FRAS1: variants seen among roughly 807,000 people sequenced by gnomAD.
FRAS1 encodes the protein extracellular matrix organizing protein FRAS1.
In FRAS1, 290 loss-of-function variants were observed where a neutral mutation model predicts 435.2. That is an observed-to-expected ratio of 0.67 (90% CI 0.61 to 0.73). FRAS1 has a LOEUF of 0.73. Ranked by LOEUF, FRAS1 falls within the 30% of genes least tolerant of loss-of-function variation. The pLI is 0.00. For synonymous variants in FRAS1, 1,800 were observed against 1,851.0 expected, an observed-to-expected ratio of 0.97 and a Z score of 0.71; for missense variants, 4,860 against 5,001.5, an observed-to-expected ratio of 0.97 and a Z score of 0.85.
intron 2 of FRAS1, among the ~76,000 whole-genome samples, chr4:78,226,886 T>C (rs955720856): frequency 6.6e-6 from 1 of 152,206 alleles, no homozygotes; most frequent in Non-Finnish European, 1.5e-5. Context: ...CTTTTGGTTT[T>C]TTCTGCTTCA....
chr4:78,176,655 G>C (rs1476541951), intron 2 of FRAS1, among the ~76,000 whole-genome samples: 1 of 152,208 alleles, frequency 6.6e-6, no homozygotes, highest in Non-Finnish European at 1.5e-5. Context: ...TATTGGCAAG[G>C]CTCCAGGCAG....
intron 29 of FRAS1, among the ~76,000 whole-genome samples, chr4:78,396,063 A>G (rs1261929732): frequency 6.6e-6 from 1 of 152,086 alleles, no homozygotes; most frequent in Non-Finnish European, 1.5e-5. Flanking sequence ...GTTACATAAA[A>G]TATCTTATAA....
At chr4:78,405,203 T>C (rs1733052646) in intron 30 of FRAS1, among the ~76,000 whole-genome samples, 1 of 152,342 alleles carries the variant, frequency 6.6e-6, no homozygotes, top group East Asian at 1.9e-4. Context: ...AAAATTCTGC[T>C]TTGCTTTTTT....
At chr4:78,133,233 A>G (rs1320258088) in intron 2 of FRAS1, among the ~76,000 whole-genome samples, 1 of 152,210 alleles carries the variant, frequency 6.6e-6, no homozygotes, top group Non-Finnish European at 1.5e-5. Context: ...ATGGAACTGG[A>G]GGTCATTATG....
chr4:78,087,500 T>C (rs1741249043), intron 2 of FRAS1, among the ~76,000 whole-genome samples: 2 of 152,310 alleles, frequency 1.3e-5, no homozygotes, highest in African/African-American at 2.4e-5. Context: ...TGTTTGCAGA[T>C]GACATGATTG....
chr4:78,392,426 C>T (rs888268163), intron 29 of FRAS1, among the ~76,000 whole-genome samples: 2 of 151,968 alleles, frequency 1.3e-5, no homozygotes, highest in African/African-American at 2.4e-5. Context: ...TTTCAGCTAA[C>T]GTTTCTTCAT....
At chr4:78,478,757 TA>T (rs1399129374) in intron 55 of FRAS1, among the ~76,000 whole-genome samples, 10 of 152,196 alleles carry the variant, frequency 6.6e-5, no homozygotes, top group Admixed American at 6.5e-4. Flanking sequence ...GGTATTAGTG[TA>T]ACAAATACTG....
At chr4:78,471,855 C>T (rs916158807) in intron 51 of FRAS1, among the ~76,000 whole-genome samples, 3 of 152,184 alleles carry the variant, frequency 2.0e-5, no homozygotes, top group African/African-American at 7.2e-5. Flanking sequence ...CCAATCCATC[C>T]TCCTTCAACT....
rs1721105884 is a variant in FRAS1, at chr4:78,513,512, C to T, written c.10134C>T (p.Cys3378=). The T allele has an allele frequency of 3.7e-6, 6 of 1,613,766 alleles. No homozygotes were observed. Among genetic ancestry groups the T allele is most frequent in the Admixed American group, 1.7e-5 (1 of 60,004 alleles). The part of the protein sequence containing the change: ...SESIYRHQHV[C]SNLVTTYDLR... The stretch of plus-strand genomic sequence containing the variant: ...CCATCTACAGACACCAGCACGTCTG[C>T]TCCAATTTAGTTACCACCTATGACC... The change falls in exon 65 of 74, where the codon TGC becomes TGT. Residue 3378 remains cysteine, a synonymous_variant. Transcript: ENST00000512123.
chr4:78,222,643 C>T lies in FRAS1; in HGVS notation c.109-14867C>T, dbSNP rs555812045. Reference sequence around the variant, plus strand: ...TGGGATGGGTGGTAAGCTTAAATATCTCTGACGCGCCATTTAAACCATCCA... The same window carrying T: ...TGGGATGGGTGGTAAGCTTAAATATTTCTGACGCGCCATTTAAACCATCCA... On this transcript the variant is annotated intron_variant, in intron 2 of 73. Transcript: ENST00000512123. 2.0e-5 allele frequency among the ~76,000 whole-genome samples: 3 copies of T among 152,270 alleles called. No individual in the cohort carries two copies. In the South Asian group the frequency reaches 6.2e-4, roughly 32 times the overall value.
chr4:78,188,196 C>A (rs1722355649), intron 2 of FRAS1, among the ~76,000 whole-genome samples: 1 of 152,086 alleles, frequency 6.6e-6, no homozygotes, highest in Admixed American at 6.6e-5. Context: ...AACTTGATTC[C>A]TTCCTCTGTG....
At chr4:78,330,008 A>G (rs192557175) in intron 18 of FRAS1, among the ~76,000 whole-genome samples, 6,643 of 152,166 alleles carry the variant, frequency 0.044, 405 homozygotes, top group African/African-American at 0.14. Flanking sequence ...GAGAGAATGA[A>G]CAAGCCTTCA....
intron 3 of FRAS1, among the ~76,000 whole-genome samples, chr4:78,241,868 T>C (rs577642548): frequency 1.8e-4 from 28 of 152,220 alleles, no homozygotes; most frequent in South Asian, 4.2e-4. Flanking sequence ...GCATTGAAGT[T>C]GTCTAGAATG....
rs1722097479 is a variant in FRAS1 at position 78,542,683 on chromosome 4, A to G, written c.*1559A>G. 1 of 152,596 alleles carries G rather than the reference A, an allele frequency of 6.6e-6. No individual in the cohort carries two copies. The highest frequency in any genetic ancestry group is 2.4e-5 in the African/African-American group (1 of 41,430). The allele number at this position is 152,596 out of a possible 1,614,324, so 9.5% of individuals were successfully genotyped here. ...AGACTCCAAGCTCCTTGAAAGTAGG[A>G]CCTTTGTGAGCCACGCCTTTCATTC... On this transcript the variant is annotated 3_prime_UTR_variant, in exon 74 of 74. Transcript: ENST00000512123.
chr4:78,159,740 G>T (rs530568217), intron 2 of FRAS1, among the ~76,000 whole-genome samples: 1 of 152,098 alleles, frequency 6.6e-6, no homozygotes, highest in African/African-American at 2.4e-5. Context: ...AATTGGCCAG[G>T]CATGGTGGTA....
At chr4:78,399,847 A>G (rs1732811780) in intron 29 of FRAS1, among the ~76,000 whole-genome samples, 1 of 152,118 alleles carries the variant, frequency 6.6e-6, no homozygotes, top group Non-Finnish European at 1.5e-5. Flanking sequence ...AGTCATTTCC[A>G]TCTCCTGCCA....
rs764193557 is a variant in FRAS1 at position 78,418,948 on chromosome 4, G to A, written c.4426-1G>A. On this transcript the variant is annotated splice_acceptor_variant, in intron 32 of 73. Transcript: ENST00000512123. LOFTEE classifies it high-confidence loss of function. ...CCTCTTCCTTCTTAAACTTTGTTTAGGCTAGAGAAGATGGCCTGACTGTTA... is the reference window on the plus strand; with the variant it reads ...CCTCTTCCTTCTTAAACTTTGTTTAAGCTAGAGAAGATGGCCTGACTGTTA... 1 of 1,574,284 alleles carries A rather than the reference G, an allele frequency of 6.4e-7. No individual in the cohort carries two copies. The highest frequency in any genetic ancestry group is 2.3e-5 in the East Asian group (1 of 44,022).
intron 47 of FRAS1, among the ~76,000 whole-genome samples, chr4:78,460,797 G>A (rs978014318): frequency 6.6e-6 from 1 of 152,174 alleles, no homozygotes; most frequent in Non-Finnish European, 1.5e-5. Flanking sequence ...CATAGAAAAA[G>A]TATAGTATTA....
intron 2 of FRAS1, among the ~76,000 whole-genome samples, chr4:78,218,098 T>TCA (rs1553931228): frequency 0.012 from 489 of 39,730 alleles, 46 homozygotes; most frequent in African/African-American, 0.026. Flanking sequence ...TCACTCTCTC[T>TCA]CACACACACA....
Sources: gnomAD v4.1 joint callset for allele counts (sites outside exome capture counted in the v4.1 genomes callset) on GRCh38, gnomAD v4.1.1 for gene constraint, MANE v1.5 for transcripts, NCBI Gene and HGNC (gene_info 2026-07-23, HGNC 2026-07-21) for gene names.